The following CHD9 variants were observed in gnomAD, a reference collection of about 807,000 sequenced individuals.
The protein encoded by CHD9 is ATP-dependent chromatin remodeler CHD9.
Under a neutral mutation model 316.1 loss-of-function variants are expected in CHD9, and 77 were observed. The observed-to-expected ratio is 0.24, with a 90% CI of 0.20 to 0.29. The LOEUF (loss-of-function observed/expected upper bound fraction) is 0.29. Among genes scored for constraint, CHD9 ranks in the 10% least tolerant of loss-of-function variants. The probability of loss-of-function intolerance (pLI) is 1.00; values close to 1 mark genes in which losing one functional copy is unlikely to be tolerated. For missense variants in CHD9, 2,763 were observed against 3,438.1 expected, an observed-to-expected ratio of 0.80 and a Z score of 4.91; for synonymous variants, 1,129 against 1,158.3, an observed-to-expected ratio of 0.97 and a Z score of 0.51.
intron 24 of CHD9, among the ~76,000 whole-genome samples, chr16:53,281,351 T>G (rs2052531436): frequency 6.6e-6 from 1 of 152,186 alleles, no homozygotes; most frequent in South Asian, 2.1e-4. Flanking sequence ...TATTCTTGAT[T>G]CCTCTCTTCC....
chr16:53,232,497 C>T (rs764178400), intron 10 of CHD9, among the ~76,000 whole-genome samples: 7 of 152,126 alleles, frequency 4.6e-5, no homozygotes, highest in Non-Finnish European at 1.0e-4. Flanking sequence ...TTGATGACAA[C>T]AGGGCTAGTC....
At chr16:53,215,519 C>A (rs2046682483) in intron 3 of CHD9, among the ~76,000 whole-genome samples, 1 of 152,104 alleles carries the variant, frequency 6.6e-6, no homozygotes, top group Admixed American at 6.6e-5. Context: ...GGCATCATTT[C>A]ACTGAGCGTG....
At chr16:53,169,260 A>G (rs938982225) in intron 2 of CHD9, 13 of 152,178 alleles carry the variant, frequency 8.5e-5, no homozygotes, top group African/African-American at 1.7e-4. Flanking sequence ...GGATCTCACT[A>G]TGTTGCCCAG....
chr16:53,138,717 TGA>T (rs1426921052), intron 1 of CHD9, among the ~76,000 whole-genome samples: 2 of 152,176 alleles, frequency 1.3e-5, no homozygotes, highest in Admixed American at 6.5e-5. Flanking sequence ...AAAGATGGAT[TGA>T]GAGAGCCATT....
chr16:53,127,088 G>A (rs1249071093), intron 1 of CHD9, among the ~76,000 whole-genome samples: 2 of 152,132 alleles, frequency 1.3e-5, no homozygotes, highest in African/African-American at 2.4e-5. Flanking sequence ...CCTAGTAGCT[G>A]GGACTACAGG....
At chr16:53,214,591 A>G (rs899968303) in intron 3 of CHD9, among the ~76,000 whole-genome samples, 3 of 152,140 alleles carry the variant, frequency 2.0e-5, no homozygotes, top group Non-Finnish European at 4.4e-5. Context: ...GCTTGCATGT[A>G]AATTACAAAA....
intron 24 of CHD9, among the ~76,000 whole-genome samples, chr16:53,275,469 T>C (rs1350847448): frequency 6.6e-6 from 1 of 152,190 alleles, no homozygotes; most frequent in Non-Finnish European, 1.5e-5. Flanking sequence ...GTTTATGGTC[T>C]CAGTAAGGAG....
intron 27 of CHD9, among the ~76,000 whole-genome samples, chr16:53,290,348 A>T (rs1256513828): frequency 6.6e-6 from 1 of 152,186 alleles, no homozygotes; most frequent in Non-Finnish European, 1.5e-5. Flanking sequence ...AATGGAGGTG[A>T]TCACCAGAAT....
chr16:53,303,761 G>T lies in CHD9; in HGVS notation c.5755G>T (p.Glu1919Ter). The T allele has an allele frequency of 1.2e-6, 2 of 1,613,454 alleles. No homozygotes were observed. The highest frequency in any genetic ancestry group is 1.7e-6 in the Non-Finnish European group (2 of 1,179,606). ...PNIFIQPITE[E>*]RASRTLYRIE... ...TATTTTTATCCAGCCCATCACAGAA[G>T]AACGTGCTTCTAGGACTTTGTATCG... Residue 1919 changes from glutamate to a stop codon, truncating the protein, a stop_gained, in exon 31 of 39, where the codon GAA (glutamate) becomes TAA (stop). Coordinates refer to ENST00000447540, the MANE Select transcript of CHD9 (RefSeq NM_001308319.2). LOFTEE classifies it high-confidence loss of function.
Position 53,238,428 on chromosome 16 carries a change from A to G in CHD9, c.2719A>G (p.Ile907Val), listed in dbSNP as rs1430416148. The change falls in exon 12 of 39, where the codon ATA becomes GTA. Residue 907 changes from isoleucine to valine, a missense_variant. Around this residue, in one of 15 missense-constraint regions of CHD9, gnomAD observed 186 missense variants for 245.0 expected, o/e 0.76. Transcript: ENST00000447540. ...CCTCTATGAAATCCTTCTGACTGGT[A>G]TAAGAGGACCTTTCCTGATTATTGC... ...TFLYEILLTG[I>V]RGPFLIIAPL... 1.9e-6 allele frequency: 3 copies of G among 1,613,062 alleles called. No homozygotes were observed. The highest frequency in any genetic ancestry group is 2.5e-6 in the Non-Finnish European group (3 of 1,179,320).
intron 22 of CHD9, among the ~76,000 whole-genome samples, chr16:53,271,705 A>G (rs184177502): frequency 8.6e-4 from 131 of 152,296 alleles, no homozygotes; most frequent in African/African-American, 2.8e-3. Context: ...ATATACCATG[A>G]CTTCGAAAGA....
chr16:53,314,860 G>A lies in CHD9; in HGVS notation c.7400G>A (p.Gly2467Glu). 6.2e-7 allele frequency: 1 copy of A among 1,613,344 alleles called. No homozygotes were observed. The highest frequency in any genetic ancestry group is 8.5e-7 in the Non-Finnish European group (1 of 1,179,682). The change falls in exon 36 of 39, where the codon GGG (glycine) becomes GAG (glutamate). Residue 2467 changes from glycine to glutamate, a missense_variant. Around this residue, in one of 15 missense-constraint regions of CHD9, gnomAD observed 663 missense variants for 751.2 expected, o/e 0.88. Transcript: ENST00000447540. Reference protein sequence around the residue: ...LGLTSSQISTGINPALSYTQP... With the variant: ...LGLTSSQISTEINPALSYTQP... Reference sequence around the variant, plus strand: ...TTAACCTCCTCACAGATTTCCACAGGGATAAATCCAGCACTATCCTATACT... The same window carrying A: ...TTAACCTCCTCACAGATTTCCACAGAGATAAATCCAGCACTATCCTATACT...
At chr16:53,144,017 A>T (rs146023611) in intron 1 of CHD9, among the ~76,000 whole-genome samples, 104 of 152,176 alleles carry the variant, frequency 6.8e-4, no homozygotes, top group African/African-American at 2.3e-3. Flanking sequence ...TGAGCTCCTG[A>T]AGTGGGGGGA....
intron 2 of CHD9, among the ~76,000 whole-genome samples, chr16:53,173,015 T>G (rs958191338): frequency 6.6e-6 from 1 of 152,180 alleles, no homozygotes; most frequent in African/African-American, 2.4e-5. Flanking sequence ...GTCTAGTTCA[T>G]TACTTCTTTT....
chr16:53,245,482 A>C lies in CHD9; in HGVS notation c.3198+3A>C. 1 of 1,583,680 alleles carries C rather than the reference A, an allele frequency of 6.3e-7. No individual in the cohort carries two copies. The highest frequency in any genetic ancestry group is 8.5e-7 in the Non-Finnish European group (1 of 1,170,174). On this transcript the variant is annotated splice_donor_region_variant and intron_variant, in intron 14 of 38. Transcript: ENST00000447540. The surrounding 1 kb of genome is among the most constrained non-coding windows in gnomAD (Gnocchi z 4.1). ...GGGATCTGAAAACAGAGGAACAGGT[A>C]TCCTATTGCTCTTTGTAAATACATT...
intron 1 of CHD9, among the ~76,000 whole-genome samples, chr16:53,124,857 C>T (rs34312575): frequency 0.036 from 5,512 of 152,220 alleles, 334 homozygotes; most frequent in African/African-American, 0.13. Context: ...TGGGGCCCTC[C>T]CACTACACGT....
intron 1 of CHD9, among the ~76,000 whole-genome samples, chr16:53,095,435 G>C (rs1001538079): frequency 1.3e-5 from 2 of 151,952 alleles, no homozygotes; most frequent in Non-Finnish European, 2.9e-5. Context: ...TGTAGTCCCA[G>C]CTACTTGGGA....
At chr16:53,285,836 A>G (rs1001757861) in intron 25 of CHD9, 137 bp downstream of exon 25, 2 of 531,222 alleles carry the variant, frequency 3.8e-6, no homozygotes, top group Non-Finnish European at 6.6e-6. Flanking sequence ...AGCATACACT[A>G]CCAAACTATG....
chr16:53,185,287 A>C (rs1431837145), intron 2 of CHD9, among the ~76,000 whole-genome samples: 2 of 152,202 alleles, frequency 1.3e-5, no homozygotes, highest in East Asian at 1.9e-4. Context: ...TCCAGGCCAA[A>C]GTGGTCTCAG....
Sources: gnomAD v4.1 joint callset for allele counts (sites outside exome capture counted in the v4.1 genomes callset) on GRCh38, gnomAD v4.1.1 for gene constraint, gnomAD v4.1.1 regional missense constraint, Gnocchi (gnomAD v3.1) non-coding constraint, MANE v1.5 for transcripts, NCBI Gene and HGNC (gene_info 2026-07-23, HGNC 2026-07-21) for gene names.